Variants in REDIC1 observed in about 807,000 individuals in gnomAD.
REDIC1 encodes the protein HEI10 Interacting Protein 1.
the REDIC1 span, among the ~76,000 whole-genome samples, chr12:39,679,955 G>T: frequency 6.6e-6 from 1 of 152,030 alleles, no homozygotes; most frequent in Non-Finnish European, 1.5e-5. Flanking sequence ...TATGAAACTG[G>T]ATCCTCATCT....
chr12:39,799,896 T>A, the REDIC1 span, among the ~76,000 whole-genome samples: 2 of 152,216 alleles, frequency 1.3e-5, no homozygotes, highest in Non-Finnish European at 2.9e-5. Context: ...GAATCAAATT[T>A]ACAACAGAAT....
chr12:39,868,230 G>A, the REDIC1 span, among the ~76,000 whole-genome samples: 3 of 152,122 alleles, frequency 2.0e-5, no homozygotes, highest in Non-Finnish European at 2.9e-5. Context: ...CAAGAGAAGA[G>A]TCTCTCTTAA....
At chr12:39,908,248 T>G in the REDIC1 span, 1 of 152,086 alleles carries the variant, frequency 6.6e-6, no homozygotes, top group Non-Finnish European at 1.5e-5. Context: ...TATCTTCCTG[T>G]TAATTATTCC....
the REDIC1 span, chr12:39,716,850 T>G: frequency 6.5e-7 from 1 of 1,543,916 alleles, no homozygotes; most frequent in East Asian, 2.3e-5. Flanking sequence ...TAAGTGATGC[T>G]TGTTTCACTT....
At chr12:39,843,001 CT>C in the REDIC1 span, among the ~76,000 whole-genome samples, 3 of 151,804 alleles carry the variant, frequency 2.0e-5, no homozygotes, top group Non-Finnish European at 2.9e-5. Flanking sequence ...CTTCATGTAT[CT>C]ATTTGTCAGC....
chr12:39,895,812 G>GCACACACA, the REDIC1 span, among the ~76,000 whole-genome samples: 1 of 81,254 alleles, frequency 1.2e-5, no homozygotes, highest in African/African-American at 5.9e-5. Flanking sequence ...GCGTGTATAC[G>GCACACACA]TACACACATG....
chr12:39,849,923 T>C, the REDIC1 span, among the ~76,000 whole-genome samples: 2 of 152,288 alleles, frequency 1.3e-5, no homozygotes, highest in South Asian at 4.1e-4. Flanking sequence ...TATTGTTTCT[T>C]CTTCTGTTTT....
chr12:39,668,888 T>C, the REDIC1 span, among the ~76,000 whole-genome samples: 44 of 152,356 alleles, frequency 2.9e-4, no homozygotes, highest in Admixed American at 1.6e-3. Flanking sequence ...TTCTCATGCC[T>C]TTGTTTTCAG....
the REDIC1 span, among the ~76,000 whole-genome samples, chr12:39,644,790 G>A: frequency 2.9e-3 from 439 of 151,918 alleles, 2 homozygotes; most frequent in African/African-American, 1.0e-2. Flanking sequence ...CCATTGCTAG[G>A]TTTATGGCTA....
chr12:39,640,947 T>A, the REDIC1 span: 1 of 1,608,604 alleles, frequency 6.2e-7, no homozygotes, highest in East Asian at 2.2e-5. Context: ...TTCTGCTGCT[T>A]TTTTCAGGTC....
chr12:39,853,215 T>G, the REDIC1 span, among the ~76,000 whole-genome samples: 2 of 152,168 alleles, frequency 1.3e-5, no homozygotes, highest in Non-Finnish European at 2.9e-5. Flanking sequence ...CTCTGTGTCT[T>G]CTTTGCTCTC....
the REDIC1 span, among the ~76,000 whole-genome samples, chr12:39,776,086 C>T: frequency 1.3e-5 from 2 of 152,118 alleles, no homozygotes; most frequent in Non-Finnish European, 2.9e-5. Context: ...TAATCTGGGG[C>T]TTCTTCTTCC....
the REDIC1 span, among the ~76,000 whole-genome samples, chr12:39,727,484 G>A: frequency 8.6e-5 from 13 of 152,028 alleles, no homozygotes; most frequent in African/African-American, 3.1e-4. Context: ...TATTTCTGAG[G>A]CCTCCATTCT....
the REDIC1 span, among the ~76,000 whole-genome samples, chr12:39,748,458 C>T: frequency 1.6e-4 from 24 of 152,160 alleles, no homozygotes; most frequent in Admixed American, 5.9e-4. Context: ...TAGACTCCCA[C>T]ATAATAATAA....
the REDIC1 span, among the ~76,000 whole-genome samples, chr12:39,743,431 A>G: frequency 6.6e-6 from 1 of 152,354 alleles, no homozygotes; most frequent in Non-Finnish European, 1.5e-5. Context: ...CCTTTAGCCC[A>G]GTACAGTATG....
At chr12:39,751,244 T>C in the REDIC1 span, among the ~76,000 whole-genome samples, 1 of 151,986 alleles carries the variant, frequency 6.6e-6, no homozygotes, top group Non-Finnish European at 1.5e-5. Flanking sequence ...AAAAAGGATA[T>C]GAACAGACAC....
the REDIC1 span, among the ~76,000 whole-genome samples, chr12:39,667,618 T>TG: frequency 2.6e-5 from 4 of 152,002 alleles, no homozygotes; most frequent in African/African-American, 4.8e-5. Context: ...TTCCTGGATA[T>TG]CTTGTTAACT....
the REDIC1 span, among the ~76,000 whole-genome samples, chr12:39,633,667 A>G: frequency 6.6e-6 from 1 of 152,212 alleles, no homozygotes; most frequent in Admixed American, 6.5e-5. Context: ...ACAACATGTT[A>G]GTAATGTTTG....
chr12:39,657,457 G>C, the REDIC1 span, among the ~76,000 whole-genome samples: 1 of 152,188 alleles, frequency 6.6e-6, no homozygotes, highest in African/African-American at 2.4e-5. Flanking sequence ...ATACATGATT[G>C]TAATTTCTAA....
Sources: allele counts gnomAD v4.1 joint callset (sites outside exome capture counted in the v4.1 genomes callset), GRCh38; gene constraint gnomAD v4.1.1; transcripts MANE v1.5; gene names NCBI Gene and HGNC (gene_info 2026-07-23, HGNC 2026-07-21).